Variants in CNTN3 observed in about 807,000 individuals in gnomAD.
The protein encoded by CNTN3 is contactin 3.
In CNTN3, 60 loss-of-function variants were observed where a neutral mutation model predicts 119.1. The ratio of observed to expected loss-of-function variants is 0.50; its 90% CI spans 0.41 to 0.62. The LOEUF (loss-of-function observed/expected upper bound fraction) is 0.62. Ranked by LOEUF, CNTN3 falls within the 20% of genes least tolerant of loss-of-function variation. The probability of loss-of-function intolerance (pLI) is 0.00; values close to 1 mark genes in which losing one functional copy is unlikely to be tolerated. For missense variants in CNTN3, 1,101 were observed against 1,242.4 expected (o/e 0.89, Z 1.71); for synonymous variants, 450 against 438.7 (o/e 1.03, Z -0.32).
chr3:74,282,543 C>A (rs1575695689), intron 20 of CNTN3, among the ~76,000 whole-genome samples: 1 of 152,232 alleles, frequency 6.6e-6, no homozygotes, highest in East Asian at 1.9e-4. Flanking sequence ...AAATAAGACA[C>A]AGAAGGACTC....
chr3:74,287,561 A>C (rs1702139233), intron 19 of CNTN3, among the ~76,000 whole-genome samples: 4 of 152,300 alleles, frequency 2.6e-5, no homozygotes, highest in Admixed American at 1.3e-4. Context: ...GACACATTTA[A>C]ATAAATAAAA....
At chr3:74,334,008 A>G (rs1703331451) in intron 13 of CNTN3, among the ~76,000 whole-genome samples, 1 of 152,150 alleles carries the variant, frequency 6.6e-6, no homozygotes, top group Admixed American at 6.6e-5. Context: ...ATTCATAAAC[A>G]TGCTGTGAGG....
In CNTN3 at chr3:74,336,673, A is replaced by T; in HGVS notation, c.1365-15T>A. 6.3e-7 allele frequency: 1 copy of T among 1,575,754 alleles called. No homozygotes were observed. The highest frequency in any genetic ancestry group is 8.7e-7 in the Non-Finnish European group (1 of 1,155,994). On this transcript the variant is annotated splice_polypyrimidine_tract_variant and intron_variant, in intron 11 of 22. Coordinates refer to ENST00000263665, the MANE Select transcript of CNTN3 (RefSeq NM_020872.3). ...ACAAAGAAATTCTAAAGCAAAGACA[A>T]ATAAGATAAATAAATATATAATAGC...
chr3:74,374,197 T>C (rs978916691), intron 5 of CNTN3, among the ~76,000 whole-genome samples: 1 of 152,046 alleles, frequency 6.6e-6, no homozygotes, highest in African/African-American at 2.4e-5. Flanking sequence ...AAGCAAGTTT[T>C]CCTCCCCACT....
intron 5 of CNTN3, among the ~76,000 whole-genome samples, chr3:74,379,735 T>A (rs894457558): frequency 1.3e-5 from 2 of 152,152 alleles, no homozygotes; most frequent in Non-Finnish European, 2.9e-5. Context: ...TGAAGAAGTG[T>A]AATGATGGGA....
intron 11 of CNTN3, among the ~76,000 whole-genome samples, chr3:74,338,285 T>C (rs142411302): frequency 1.3e-5 from 2 of 152,056 alleles, no homozygotes; most frequent in East Asian, 1.9e-4. Flanking sequence ...TCTGTAAAAA[T>C]GTTTATTGCA....
intron 4 of CNTN3, among the ~76,000 whole-genome samples, chr3:74,473,216 A>G (rs1702596792): frequency 6.6e-6 from 1 of 151,712 alleles, no homozygotes; most frequent in Non-Finnish European, 1.5e-5. Context: ...AGGCAAAAAT[A>G]AACCAATTCC....
chr3:74,272,375 AG>A (rs1371429331), intron 20 of CNTN3, among the ~76,000 whole-genome samples: 2 of 152,202 alleles, frequency 1.3e-5, no homozygotes, highest in African/African-American at 4.8e-5. Context: ...AAAGTTCATA[AG>A]TTTTACACAT....
chr3:74,522,804 A>G (rs191606169), intron 1 of CNTN3, among the ~76,000 whole-genome samples: 101 of 151,928 alleles, frequency 6.6e-4, no homozygotes, highest in African/African-American at 2.4e-3. Flanking sequence ...GGAAAGAAAC[A>G]TATATGCTAG....
intron 13 of CNTN3, among the ~76,000 whole-genome samples, chr3:74,323,258 C>T (rs150957571): frequency 1.5e-3 from 229 of 152,148 alleles, no homozygotes; most frequent in Non-Finnish European, 2.7e-3. Flanking sequence ...CACATGGGTA[C>T]TTTCTGTACT....
Position 74,266,560 on chromosome 3 carries a change from G to A in CNTN3, c.2907C>T (p.Asp969=), listed in dbSNP as rs553683101. 1 of 1,613,618 alleles carries A rather than the reference G, an allele frequency of 6.2e-7. No individual in the cohort carries two copies. The highest frequency in any genetic ancestry group is 1.7e-5 in the Admixed American group (1 of 59,990). ...TTGTGGCCTTGACTTCAATAATGTA[G>A]TCCTCTTTAATGGGCAGCACAAGTT... ...SAELVLPIKE[D]YIIEVKATTD... is the part of the protein sequence containing the mutation. The change falls in exon 22 of 23, where the codon GAC becomes GAT. Residue 969 remains aspartate, a synonymous_variant. Transcript: ENST00000263665.
At chr3:74,343,903 T>TG (rs5850170) in intron 11 of CNTN3, among the ~76,000 whole-genome samples, 6,151 of 152,270 alleles carry the variant, frequency 0.04, 431 homozygotes, top group African/African-American at 0.14. Context: ...TTCTAAGCTA[T>TG]GTCCATTGGA....
chr3:74,555,502 T>C (rs1412617111), intron 1 of CNTN3, among the ~76,000 whole-genome samples: 1 of 152,196 alleles, frequency 6.6e-6, no homozygotes, highest in Admixed American at 6.5e-5. Context: ...CAGCTCCTCT[T>C]TGTACCTCTG....
At chr3:74,315,194 A>G (rs896653911) in intron 13 of CNTN3, among the ~76,000 whole-genome samples, 6 of 152,218 alleles carry the variant, frequency 3.9e-5, no homozygotes, top group African/African-American at 1.2e-4. Flanking sequence ...GTGGTCTAAA[A>G]GGAAGAGGAA....
intron 19 of CNTN3, among the ~76,000 whole-genome samples, chr3:74,289,907 C>A (rs1354398101): frequency 1.3e-5 from 2 of 152,186 alleles, no homozygotes; most frequent in African/African-American, 4.8e-5. Context: ...ACTAGCAGAT[C>A]TGAACACAGG....
chr3:74,595,119 A>C (rs187555302), intron 1 of CNTN3, among the ~76,000 whole-genome samples: 225 of 151,692 alleles, frequency 1.5e-3, no homozygotes, highest in African/African-American at 2.9e-3. Context: ...CTGTTCATAT[A>C]CTTTGCCCAC....
At chr3:74,267,631 C>A (rs776265202) in intron 20 of CNTN3, 18 of 359,792 alleles carry the variant, frequency 5.0e-5, no homozygotes, top group Non-Finnish European at 8.2e-5. Flanking sequence ...ACATGTACCC[C>A]GAATCTAAAA....
At chr3:74,600,191 A>G (rs2106702426) in intron 1 of CNTN3, among the ~76,000 whole-genome samples, 1 of 152,152 alleles carries the variant, frequency 6.6e-6, no homozygotes, top group East Asian at 1.9e-4. Flanking sequence ...TTGGAAAGAA[A>G]GGAAGAAAAA....
intron 19 of CNTN3, among the ~76,000 whole-genome samples, chr3:74,287,752 G>A (rs1702142174): frequency 6.6e-6 from 1 of 152,054 alleles, no homozygotes; most frequent in South Asian, 2.1e-4. Flanking sequence ...ATGGGAGGGT[G>A]GAAGGAAAGA....
Sources: gnomAD v4.1 joint callset for allele counts (sites outside exome capture counted in the v4.1 genomes callset) on GRCh38, gnomAD v4.1.1 for gene constraint, MANE v1.5 for transcripts, NCBI Gene and HGNC (gene_info 2026-07-23, HGNC 2026-07-21) for gene names.